Variants in GABRG1 observed in about 807,000 individuals in gnomAD.
The protein encoded by GABRG1 is gamma-aminobutyric acid type A receptor subunit gamma1.
In GABRG1, 49 loss-of-function variants were observed where a neutral mutation model predicts 49.8. The ratio of observed to expected loss-of-function variants is 0.98; its 90% CI spans 0.78 to 1.25. The LOEUF (loss-of-function observed/expected upper bound fraction) is 1.25. GABRG1 is among the 50% of genes most tolerant of loss of function. GABRG1 has a pLI of 0.00. For missense variants in GABRG1, 552 were observed against 552.3 expected (o/e 1.00, Z 0.01); for synonymous variants, 232 against 185.1 (o/e 1.25, Z -2.06).
rs1396516692 is a variant in GABRG1 at position 46,039,307 on chromosome 4, A to G, written c.*1681T>C. 1.3e-5 allele frequency: 2 copies of G among 151,532 alleles called. No individual in the cohort carries two copies. The highest frequency in any genetic ancestry group is 4.8e-5 in the African/African-American group (2 of 41,386). 9.4% of individuals were successfully genotyped at this position (151,532 alleles called of 1,614,324 possible). A position where few individuals can be genotyped will look rare whatever the true frequency, so the allele number is the denominator to read the frequency against. On this transcript the variant is annotated 3_prime_UTR_variant, in exon 9 of 9. Transcript: ENST00000295452. Reference sequence around the variant, plus strand: ...ATTTGATTCATGCTTATTTTTTTCCAGAAGTTTATGAGCAAGTGAAAAAAA... The same window carrying G: ...ATTTGATTCATGCTTATTTTTTTCCGGAAGTTTATGAGCAAGTGAAAAAAA...
At chr4:46,073,590 C>T (rs1182296533) in intron 3 of GABRG1, among the ~76,000 whole-genome samples, 1 of 151,898 alleles carries the variant, frequency 6.6e-6, no homozygotes, top group Admixed American at 6.6e-5. Flanking sequence ...TTGCATGGAG[C>T]ACGCTTCCTA....
chr4:46,038,028 T>C lies in GABRG1; in HGVS notation c.*2960A>G, dbSNP rs369185501. 26 of 151,786 alleles carry C rather than the reference T, an allele frequency of 1.7e-4. No homozygotes were observed. The highest frequency in any genetic ancestry group is 6.0e-4 in the African/African-American group (25 of 41,528). The allele number at this position is 151,786 out of a possible 1,614,324, so 9.4% of individuals were successfully genotyped here. A position where few individuals can be genotyped will look rare whatever the true frequency, so the allele number is the denominator to read the frequency against. ...ATGATTGCCTTCATATTTATACACATTTACTGTGCTTAATTTAAAGTTGAT... is the reference window on the plus strand; with the variant it reads ...ATGATTGCCTTCATATTTATACACACTTACTGTGCTTAATTTAAAGTTGAT... On this transcript the variant is annotated 3_prime_UTR_variant, in exon 9 of 9. Transcript: ENST00000295452.
At chr4:46,105,390 A>G (rs985394665) in intron 1 of GABRG1, among the ~76,000 whole-genome samples, 2 of 151,522 alleles carry the variant, frequency 1.3e-5, no homozygotes, top group Admixed American at 1.3e-4. Flanking sequence ...AGACAAATAT[A>G]AACACTACTG....
chr4:46,041,849 T>C (rs1215611326), intron 8 of GABRG1, among the ~76,000 whole-genome samples: 1 of 152,014 alleles, frequency 6.6e-6, no homozygotes, highest in Middle Eastern at 3.2e-3. Flanking sequence ...TCTTCATAGC[T>C]GGAATTATAC....
At chr4:46,042,970 T>C (rs1717840140) in intron 8 of GABRG1, among the ~76,000 whole-genome samples, 1 of 151,920 alleles carries the variant, frequency 6.6e-6, no homozygotes, top group Non-Finnish European at 1.5e-5. Context: ...GATAGTTGAT[T>C]ACATTCCTAA....
chr4:46,085,514 C>A (rs1719725038), intron 2 of GABRG1, among the ~76,000 whole-genome samples: 1 of 151,486 alleles, frequency 6.6e-6, no homozygotes, highest in Non-Finnish European at 1.5e-5. Context: ...TATGACGAAT[C>A]TTTTTGAGTT....
At chr4:46,067,244 A>C (rs1247699565) in intron 3 of GABRG1, among the ~76,000 whole-genome samples, 4 of 152,084 alleles carry the variant, frequency 2.6e-5, no homozygotes, top group Non-Finnish European at 5.9e-5. Flanking sequence ...GAATATAAAA[A>C]TAAATTGAGA....
Position 46,058,347 on chromosome 4 carries a change from A to T in GABRG1, c.786T>A (p.Ile262=), listed in dbSNP as rs1348391655. The T allele has an allele frequency of 2.5e-6, 4 of 1,611,696 alleles. No homozygotes were observed. The African/African-American group carries it at 4.0e-5, about 16-fold the overall frequency. ...CCATTCTTCTGCTCAGGTCAAAAAAAATTGTCATGATAACATAATCCCCTG... is the reference window on the plus strand; with the variant it reads ...CCATTCTTCTGCTCAGGTCAAAAAATATTGTCATGATAACATAATCCCCTG... ...TISGDYVIMT[I]FFDLSRRMGY... Residue 262 remains isoleucine (I), a synonymous_variant, in exon 7 of 9, where the codon ATT becomes ATA. Coordinates refer to ENST00000295452, the MANE Select transcript of GABRG1 (RefSeq NM_173536.4).
chr4:46,048,271 G>T (rs562096179), intron 8 of GABRG1, among the ~76,000 whole-genome samples: 2 of 151,918 alleles, frequency 1.3e-5, no homozygotes, highest in African/African-American at 2.4e-5. Context: ...TATACTTGCC[G>T]ATTAGTAATA....
chr4:46,105,791 T>TGATAGATAGATA (rs10660132), intron 1 of GABRG1, among the ~76,000 whole-genome samples: 8,498 of 144,578 alleles, frequency 0.059, 303 homozygotes, highest in South Asian at 0.074. Context: ...GGTAGATAGA[T>TGATAGATAGATA]GATAGATAGA....
intron 7 of GABRG1, among the ~76,000 whole-genome samples, chr4:46,052,891 C>G (rs1470815246): frequency 6.6e-6 from 1 of 151,870 alleles, no homozygotes; most frequent in Non-Finnish European, 1.5e-5. Flanking sequence ...AAATTCTACT[C>G]ACAAACCTGT....
chr4:46,086,149 A>T (rs1369860091), intron 2 of GABRG1, among the ~76,000 whole-genome samples: 5 of 151,626 alleles, frequency 3.3e-5, no homozygotes, highest in Admixed American at 2.0e-4. Context: ...TGTTATTTTA[A>T]GTACTTTGCT....
At chr4:46,123,519 C>A (rs1721160471) in intron 1 of GABRG1, among the ~76,000 whole-genome samples, 1 of 151,978 alleles carries the variant, frequency 6.6e-6, no homozygotes, top group African/African-American at 2.4e-5. Flanking sequence ...CATTTCTACT[C>A]CCCCTCACTC....
intron 3 of GABRG1, among the ~76,000 whole-genome samples, chr4:46,078,104 G>T (rs1293013729): frequency 4.0e-5 from 6 of 151,424 alleles, no homozygotes; most frequent in Non-Finnish European, 4.4e-5. Context: ...ATATGCAGAA[G>T]AAAAGAAATT....
intron 1 of GABRG1, among the ~76,000 whole-genome samples, chr4:46,119,732 A>G (rs1289790072): frequency 6.6e-6 from 1 of 151,510 alleles, no homozygotes; most frequent in Non-Finnish European, 1.5e-5. Flanking sequence ...TTAGAGTTCT[A>G]GAGGTGTATT....
chr4:46,123,775 G>C, intron 1 of GABRG1, 35 bp downstream of exon 1: 1 of 1,473,592 alleles, frequency 6.8e-7, no homozygotes, highest in Non-Finnish European at 9.5e-7. Context: ...GGGGTAGATA[G>C]CAAAGAATAG....
In GABRG1 at chr4:46,039,749, A is replaced by G. The variant is rs1418979643; in HGVS notation, c.*1239T>C. 6.6e-6 allele frequency: 1 copy of G among 151,780 alleles called. No homozygotes were observed. Among genetic ancestry groups the G allele is most frequent in the Non-Finnish European group, 1.5e-5 (1 of 67,802 alleles). 9.4% of individuals were successfully genotyped at this position (151,780 alleles called of 1,614,324 possible). On this transcript the variant is annotated 3_prime_UTR_variant, in exon 9 of 9. Transcript: ENST00000295452. ...CTATTAACTGATAGATTTTACATCC[A>G]GTGAGATGCTAAGAATTTAGAGAGC...
chr4:46,116,065 T>A (rs1479833411), intron 1 of GABRG1, among the ~76,000 whole-genome samples: 1 of 150,888 alleles, frequency 6.6e-6, no homozygotes, highest in Non-Finnish European at 1.5e-5. Flanking sequence ...CAGTATAGCT[T>A]GCCAACTTTT....
At chr4:46,079,619 T>C (rs1007067959) in intron 3 of GABRG1, among the ~76,000 whole-genome samples, 2 of 151,924 alleles carry the variant, frequency 1.3e-5, no homozygotes, top group Non-Finnish European at 2.9e-5. Context: ...TACAATTAAA[T>C]TCATGTCCAA....
Sources: gnomAD v4.1 joint callset for allele counts (sites outside exome capture counted in the v4.1 genomes callset) on GRCh38, gnomAD v4.1.1 for gene constraint, MANE v1.5 for transcripts, NCBI Gene and HGNC (gene_info 2026-07-23, HGNC 2026-07-21) for gene names.